UGT2A2: variants seen among roughly 807,000 people sequenced by gnomAD.
UGT2A2 encodes UDP glucuronosyltransferase family 2 member A2, also known as UDP-glucuronosyltransferase 2A2.
A neutral mutation model predicts 50.7 loss-of-function variants in UGT2A2; 60 were observed. That is an observed-to-expected ratio of 1.18 (90% CI 0.96 to 1.47). UGT2A2 has a LOEUF of 1.47. Among genes scored for constraint, UGT2A2 ranks in the 40% most tolerant of loss-of-function variants. UGT2A2 has a pLI of 0.00. For missense variants in UGT2A2, 762 were observed against 634.0 expected, an observed-to-expected ratio of 1.20 and a Z score of -2.17; for synonymous variants, 242 against 214.6, an observed-to-expected ratio of 1.13 and a Z score of -1.11.
intron 5 of UGT2A2, among the ~76,000 whole-genome samples, chr4:69,591,186 A>G (rs1400682007): frequency 6.6e-6 from 1 of 152,192 alleles, no homozygotes; most frequent in Non-Finnish European, 1.5e-5. Flanking sequence ...GTAGCAAAAT[A>G]TGAGTGACCA....
chr4:69,590,484 G>C (rs1393491954), intron 5 of UGT2A2, among the ~76,000 whole-genome samples: 1 of 152,122 alleles, frequency 6.6e-6, no homozygotes, highest in Non-Finnish European at 1.5e-5. Context: ...TTCCAGCCTG[G>C]ATTCATGAAG....
At chr4:69,615,785 G>A (rs1720343374) in intron 1 of UGT2A2, among the ~76,000 whole-genome samples, 1 of 151,974 alleles carries the variant, frequency 6.6e-6, no homozygotes, top group African/African-American at 2.4e-5. Flanking sequence ...TATGGAAAAA[G>A]GGAACCCTTG....
In UGT2A2 at chr4:69,628,738, T is replaced by C. The variant is rs192931264; in HGVS notation, c.742+10161A>G. On this transcript the variant is annotated intron_variant, in intron 1 of 5. Coordinates refer to ENST00000604629, the MANE Select transcript of UGT2A2 (RefSeq NM_001105677.2). ...AAATATATGAATGATCTAGAATGCC[T>C]ACTTCTACTTAATACTAAATGTAAA... Among the ~76,000 whole-genome samples the C allele has an allele frequency of 2.5e-4, 37 of 147,922 alleles. No individual in the cohort carries two copies. The East Asian group carries it at 6.9e-3, about 27-fold the overall frequency.
chr4:69,623,782 T>A (rs1424109963), intron 1 of UGT2A2, among the ~76,000 whole-genome samples: 2 of 151,428 alleles, frequency 1.3e-5, no homozygotes, highest in South Asian at 2.1e-4. Context: ...ACCTTTGAGA[T>A]AAAGGTAGAA....
chr4:69,639,449 T>A lies in UGT2A2; in HGVS notation c.192A>T (p.Ser64=), dbSNP rs768153839. ...QRNHNVTVLA[S]SATLFINSNP... ...TGGAGTTGATGAATAGAGTTGCTGA[T>A]GAAGCCAGTACAGTCACATTGTGAT... The change falls in exon 1 of 6, where the codon TCA becomes TCT. Residue 64 remains serine (S), a synonymous_variant. Coordinates refer to ENST00000604629, the MANE Select transcript of UGT2A2 (RefSeq NM_001105677.2). 6.2e-7 allele frequency: 1 copy of A among 1,613,194 alleles called. No homozygotes were observed. Among genetic ancestry groups the A allele is most frequent in the East Asian group, 2.2e-5 (1 of 44,852 alleles).
At chr4:69,625,100 T>C (rs1720967453) in intron 1 of UGT2A2, among the ~76,000 whole-genome samples, 1 of 151,242 alleles carries the variant, frequency 6.6e-6, no homozygotes, top group South Asian at 2.1e-4. Context: ...TTTATTTTAG[T>C]ACTTTTTAGG....
chr4:69,617,823 T>C (rs763796157), intron 1 of UGT2A2, among the ~76,000 whole-genome samples: 3 of 151,926 alleles, frequency 2.0e-5, no homozygotes, highest in Admixed American at 2.0e-4. Flanking sequence ...TATAACTAGG[T>C]TTCAAAATAA....
At chr4:69,600,381 C>T (rs1414960223) in intron 1 of UGT2A2, among the ~76,000 whole-genome samples, 1 of 152,182 alleles carries the variant, frequency 6.6e-6, no homozygotes, top group Non-Finnish European at 1.5e-5. Context: ...TGTCAACTAA[C>T]TCAGGTTGTG....
chr4:69,606,761 A>G lies in UGT2A2; in HGVS notation c.743-7367T>C, dbSNP rs189968764. 5.8e-3 allele frequency among the ~76,000 whole-genome samples: 799 copies of G among 136,836 alleles called. 184 individuals carry two copies. Among genetic ancestry groups the G allele is most frequent in the African/African-American group, 0.022 (738 of 33,790 alleles). 89.8% of individuals were successfully genotyped at this position (136,836 alleles called of 152,430 possible). A position where few individuals can be genotyped will look rare whatever the true frequency, so the allele number is the denominator to read the frequency against. Reference sequence around the variant, plus strand: ...AAATCAATGTGCAAAAATCACAAGCATTCTTATACACCAATAACAGACAAA... The same window carrying G: ...AAATCAATGTGCAAAAATCACAAGCGTTCTTATACACCAATAACAGACAAA... On this transcript the variant is annotated intron_variant, in intron 1 of 5. Coordinates refer to ENST00000604629, the MANE Select transcript of UGT2A2 (RefSeq NM_001105677.2).
chr4:69,631,425 C>T (rs1385778791), intron 1 of UGT2A2, among the ~76,000 whole-genome samples: 2 of 151,996 alleles, frequency 1.3e-5, no homozygotes, highest in Admixed American at 1.3e-4. Context: ...TGGAGAGTTA[C>T]ATCATCATAA....
At position 69,589,634 on chromosome 4, in the gene UGT2A2, A is replaced by G; in HGVS notation, c.1349T>C (p.Met450Thr). The G allele has an allele frequency of 6.2e-7, 1 of 1,612,146 alleles. No homozygotes were observed. The highest frequency in any genetic ancestry group is 1.1e-5 in the South Asian group (1 of 90,788). ...ATCATGGTGAATTCTTGATAACCTC[A>G]TAGCATTCTCTTTATAACTAGAAGA... ...INEPSYKENA[M>T]RLSRIHHDQP... The change falls in exon 6 of 6, where the codon ATG (methionine) becomes ACG (threonine). Residue 450 changes from methionine to threonine, a missense_variant. Transcript: ENST00000604629.
At chr4:69,590,316 T>C (rs1718515001) in intron 5 of UGT2A2, among the ~76,000 whole-genome samples, 1 of 152,220 alleles carries the variant, frequency 6.6e-6, no homozygotes, top group African/African-American at 2.4e-5. Context: ...GCCATCACAA[T>C]AGAGATAGTA....
intron 1 of UGT2A2, among the ~76,000 whole-genome samples, chr4:69,633,860 T>C (rs1721521611): frequency 6.6e-6 from 1 of 152,068 alleles, no homozygotes; most frequent in Non-Finnish European, 1.5e-5. Context: ...GTTTATTAAT[T>C]TGAGTGCTGG....
chr4:69,630,168 T>C (rs1447508624), intron 1 of UGT2A2, among the ~76,000 whole-genome samples: 1 of 152,124 alleles, frequency 6.6e-6, no homozygotes, highest in Non-Finnish European at 1.5e-5. Flanking sequence ...TCCATTCTTG[T>C]AGACATTTGT....
intron 1 of UGT2A2, among the ~76,000 whole-genome samples, chr4:69,630,400 T>C (rs183343641): frequency 5.7e-4 from 87 of 152,200 alleles, no homozygotes; most frequent in African/African-American, 2.0e-3. Flanking sequence ...ATCCTGACTA[T>C]GTTAAAGCTA....
At chr4:69,598,396 C>T (rs1263988197) in intron 2 of UGT2A2, among the ~76,000 whole-genome samples, 5 of 151,986 alleles carry the variant, frequency 3.3e-5, no homozygotes, top group Admixed American at 6.6e-5. Flanking sequence ...CTCTATTTTG[C>T]TTCTCAACAC....
intron 1 of UGT2A2, among the ~76,000 whole-genome samples, chr4:69,621,270 A>G (rs1042280632): frequency 3.3e-5 from 5 of 152,106 alleles, no homozygotes; most frequent in Admixed American, 2.6e-4. Context: ...TCTAATATCC[A>G]GTATTTACAG....
At chr4:69,638,032 GA>G (rs1481120068) in intron 1 of UGT2A2, among the ~76,000 whole-genome samples, 2 of 150,106 alleles carry the variant, frequency 1.3e-5, no homozygotes, top group Admixed American at 1.3e-4. Context: ...AAGAAGGAAG[GA>G]AAAAAAGGAA....
rs780447872 is a variant in UGT2A2, at chr4:69,639,032, C to T, written c.609G>A (p.Pro203=). The change falls in exon 1 of 6, where the codon CCG becomes CCA. Residue 203 remains proline, a synonymous_variant. Coordinates refer to ENST00000604629, the MANE Select transcript of UGT2A2 (RefSeq NM_001105677.2). The part of the protein sequence containing the change: ...GKIPAPVSYV[P]AALSELTDQM... ...GGTCAGTGAGCTCTGATAAGGCTGC[C>T]GGTACATAGGAGACTGGTGCTGGGA... 15 of 1,613,142 alleles carry T rather than the reference C, an allele frequency of 9.3e-6. No homozygotes were observed. Among genetic ancestry groups the T allele is most frequent in the South Asian group, 3.3e-5 (3 of 91,000 alleles).
Sources: gnomAD v4.1 joint callset for allele counts (sites outside exome capture counted in the v4.1 genomes callset) on GRCh38, gnomAD v4.1.1 for gene constraint, MANE v1.5 for transcripts, NCBI Gene and HGNC (gene_info 2026-07-23, HGNC 2026-07-21) for gene names.